The following HOOK1 variants were observed in gnomAD, a reference collection of about 807,000 sequenced individuals.
The protein encoded by HOOK1 is hook microtubule tethering protein 1, also known as protein Hook homolog 1.
Under a neutral mutation model 112.8 loss-of-function variants are expected in HOOK1, and 60 were observed. That is an observed-to-expected ratio of 0.53 (90% confidence interval 0.43 to 0.66). The LOEUF (loss-of-function observed/expected upper bound fraction) is 0.66. HOOK1 is among the 30% of genes least tolerant of loss of function. The pLI, the probability that HOOK1 is intolerant of heterozygous loss-of-function variation, is 0.00. For missense variants in HOOK1, 770 were observed against 856.0 expected (o/e 0.90, Z 1.25); for synonymous variants, 294 against 283.8 (o/e 1.04, Z -0.36).
intron 14 of HOOK1, among the ~76,000 whole-genome samples, chr1:59,859,481 A>C (rs2098412430): frequency 6.6e-6 from 1 of 152,058 alleles, no homozygotes; most frequent in Non-Finnish European, 1.5e-5. Flanking sequence ...TTAGTAATTT[A>C]AAAAATAGCC....
Position 59,872,816 on chromosome 1 carries a change from G to C in HOOK1, c.2038G>C (p.Gly680Arg). 1 of 1,437,204 alleles carries C rather than the reference G, an allele frequency of 7.0e-7. No individual in the cohort carries two copies. Among genetic ancestry groups the C allele is most frequent in the Non-Finnish European group, 9.2e-7 (1 of 1,081,784 alleles). The allele number at this position is 1,437,204 out of a possible 1,614,324, so 89.0% of individuals were successfully genotyped here. Residue 680 changes from glycine (G) to arginine (R), a missense_variant, in exon 22 of 22, where the codon GGG becomes CGG. Around this residue, in one of 3 missense-constraint regions of HOOK1, gnomAD observed 111 missense variants for 111.8 expected, o/e 0.99. Coordinates refer to ENST00000371208, the MANE Select transcript of HOOK1 (RefSeq NM_015888.6). The stretch of plus-strand genomic sequence containing the variant: ...TCAGAGTCTAGCATTCCAGAAACTG[G>C]GGATGGAATCTAGACTTGTGAGCGG... The part of the protein sequence containing the change: ...YNKSLAFQKL[G>R]MESRLVSGGG...
chr1:59,868,474 C>A (rs886640944), intron 20 of HOOK1, 123 bp downstream of exon 20: 5 of 692,130 alleles, frequency 7.2e-6, no homozygotes, highest in Non-Finnish European at 1.0e-5. Flanking sequence ...TGTTTTAGCA[C>A]CCAGTGTGTT....
At chr1:59,840,749 G>A in intron 8 of HOOK1, among the ~76,000 whole-genome samples, 1 of 151,960 alleles carries the variant, frequency 6.6e-6, no homozygotes, top group Non-Finnish European at 1.5e-5. Flanking sequence ...GTATTAAGTG[G>A]TACCTGACAC....
chr1:59,827,998 G>A (rs1369612517), intron 2 of HOOK1, among the ~76,000 whole-genome samples: 1 of 152,028 alleles, frequency 6.6e-6, no homozygotes, highest in Non-Finnish European at 1.5e-5. Flanking sequence ...ATAGTTATTT[G>A]TGCTTTTTAC....
intron 1 of HOOK1, among the ~76,000 whole-genome samples, chr1:59,817,288 C>G (rs917292949): frequency 6.6e-6 from 1 of 152,190 alleles, no homozygotes; most frequent in Non-Finnish European, 1.5e-5. Context: ...CTCATTCAGT[C>G]TTCAACCCAC....
At chr1:59,843,985 T>C (rs927016561) in intron 9 of HOOK1, among the ~76,000 whole-genome samples, 2 of 152,048 alleles carry the variant, frequency 1.3e-5, no homozygotes, top group African/African-American at 4.8e-5. Flanking sequence ...TTTTAACTTG[T>C]ATATTTCTTT....
At chr1:59,829,856 T>G (rs890487050) in intron 3 of HOOK1, among the ~76,000 whole-genome samples, 3 of 152,088 alleles carry the variant, frequency 2.0e-5, no homozygotes, top group African/African-American at 7.2e-5. Context: ...TCCCCTAATA[T>G]TAACCACCAT....
chr1:59,816,911 C>A (rs946195442), intron 1 of HOOK1, among the ~76,000 whole-genome samples: 2 of 152,166 alleles, frequency 1.3e-5, no homozygotes, highest in Non-Finnish European at 1.5e-5. Flanking sequence ...CCTAACATTG[C>A]CCATACTTAA....
Position 59,844,903 on chromosome 1 carries a change from T to C in HOOK1, c.788+1305T>C, listed in dbSNP as rs570875310. Among the ~76,000 whole-genome samples, 3 of 152,126 alleles carry C rather than the reference T, an allele frequency of 2.0e-5. No homozygotes were observed. The South Asian group carries it at 6.2e-4, about 32-fold the overall frequency. On this transcript the variant is annotated intron_variant, in intron 9 of 21. Coordinates refer to ENST00000371208, the MANE Select transcript of HOOK1 (RefSeq NM_015888.6). ...CAATTATATATTGAAACTTTGATCTTACACCTTGAAACTTGTATCTTAAAT... is the reference window on the plus strand; with the variant it reads ...CAATTATATATTGAAACTTTGATCTCACACCTTGAAACTTGTATCTTAAAT...
At position 59,847,197 on chromosome 1, in the gene HOOK1, C is replaced by G; in HGVS notation, c.929+12C>G. ...ATAGATGTTCTTAGGTATGGCATGT[C>G]TTAAAAAATATAATTATGCCATTTC... On this transcript the variant is annotated intron_variant, in intron 10 of 21. Transcript: ENST00000371208. 1.3e-6 allele frequency: 2 copies of G among 1,582,988 alleles called. No individual in the cohort carries two copies. Among genetic ancestry groups the G allele is most frequent in the South Asian group, 1.2e-5 (1 of 85,624 alleles).
rs149237273 is a variant in HOOK1 at position 59,843,533 on chromosome 1, A to G, written c.723A>G (p.Thr241=). The change falls in exon 9 of 22, where the codon ACA becomes ACG. Residue 241 remains threonine, a synonymous_variant. Transcript: ENST00000371208. ...QLDGSFDDPN[T]VVAKKYFHAQ... ...ATGGCTCTTTTGATGATCCAAACAC[A>G]GTGGTTGCAAAAAAGTATTTTCATG... The G allele has an allele frequency of 9.3e-6, 15 of 1,610,274 alleles. No individual in the cohort carries two copies. In the African/African-American group the frequency reaches 1.7e-4, roughly 19 times the overall value.
rs377588375 is a variant in HOOK1, at chr1:59,862,887, T to C, written c.1626+10T>C. ...GTCTGAAGGCGAAAGTGTAAGTAAC[T>C]TAGAAATTATAATAATTCTGCTGTG... On this transcript the variant is annotated intron_variant, in intron 16 of 21. Transcript: ENST00000371208. 42 of 1,469,940 alleles carry C rather than the reference T, an allele frequency of 2.9e-5. No homozygotes were observed. In the African/African-American group the frequency reaches 5.1e-4, roughly 18 times the overall value. 91.1% of individuals were successfully genotyped at this position (1,469,940 alleles called of 1,614,324 possible). A position where few individuals can be genotyped will look rare whatever the true frequency, so the allele number is the denominator to read the frequency against.
At chr1:59,864,452 G>T (rs756980601) in intron 16 of HOOK1, among the ~76,000 whole-genome samples, 180 bp from the exon 17 acceptor site, 25 of 151,496 alleles carry the variant, frequency 1.7e-4, no homozygotes, top group Non-Finnish European at 3.1e-4. Flanking sequence ...CCTTTTTGAA[G>T]TAAAAAAAGA....
chr1:59,834,565 A>C (rs1196541592), intron 5 of HOOK1, among the ~76,000 whole-genome samples: 1 of 152,154 alleles, frequency 6.6e-6, no homozygotes, highest in East Asian at 1.9e-4. Context: ...TTTTTCATAA[A>C]AGCAGGGACA....
At chr1:59,872,710 A>T in intron 21 of HOOK1, 85 bp from the exon 22 acceptor site, 1 of 939,546 alleles carries the variant, frequency 1.1e-6, no homozygotes, top group Non-Finnish European at 1.4e-6. Flanking sequence ...GGTTGGTTTT[A>T]AGGATTAAGT....
chr1:59,846,372 C>T (rs948702479), intron 9 of HOOK1, among the ~76,000 whole-genome samples: 1 of 151,394 alleles, frequency 6.6e-6, no homozygotes, highest in African/African-American at 2.4e-5. Context: ...TTCAAACATC[C>T]TTTATTGGCC....
intron 11 of HOOK1, among the ~76,000 whole-genome samples, chr1:59,848,823 T>C (rs1438600846): frequency 2.0e-5 from 3 of 151,452 alleles, no homozygotes; most frequent in Non-Finnish European, 4.4e-5. Flanking sequence ...AATTCTGTTT[T>C]TCTGTTTACT....
At chr1:59,820,052 G>C (rs2098384422) in intron 1 of HOOK1, among the ~76,000 whole-genome samples, 1 of 152,152 alleles carries the variant, frequency 6.6e-6, no homozygotes, top group Admixed American at 6.5e-5. Flanking sequence ...TCCAAAATAT[G>C]CCAAAGAATG....
chr1:59,843,090 T>G (rs2098401831), intron 8 of HOOK1, among the ~76,000 whole-genome samples: 1 of 151,882 alleles, frequency 6.6e-6, no homozygotes, highest in Non-Finnish European at 1.5e-5. Flanking sequence ...AGTTTATACC[T>G]AAAAGAGGAG....
Sources: allele counts gnomAD v4.1 joint callset (sites outside exome capture counted in the v4.1 genomes callset), GRCh38; gene constraint gnomAD v4.1.1; regional missense constraint gnomAD v4.1.1; transcripts MANE v1.5; gene names NCBI Gene and HGNC (gene_info 2026-07-23, HGNC 2026-07-21).